The following ZDHHC14 variants were observed in gnomAD, a reference collection of about 807,000 sequenced individuals.
ZDHHC14 encodes the protein palmitoyltransferase ZDHHC14.
ZDHHC14 carries 16 observed loss-of-function variants against 47.7 expected under a neutral mutation model. The observed-to-expected ratio is 0.34, with a 90% CI of 0.23 to 0.51. The LOEUF is 0.51. ZDHHC14 is among the 20% of genes least tolerant of loss of function. The pLI, the probability that ZDHHC14 is intolerant of heterozygous loss-of-function variation, is 0.97. For synonymous variants in ZDHHC14, 293 were observed against 278.9 expected (o/e 1.05, Z -0.50); for missense variants, 515 against 662.5 (o/e 0.78, Z 2.44).
chr6:157,426,160 C>T (rs370875492), intron 1 of ZDHHC14, among the ~76,000 whole-genome samples: 4 of 152,030 alleles, frequency 2.6e-5, no homozygotes, highest in Admixed American at 6.6e-5. Flanking sequence ...GAGAGCCTCC[C>T]GCAAGGTGGT....
At chr6:157,397,947 A>G (rs1280854033) in intron 1 of ZDHHC14, among the ~76,000 whole-genome samples, 2 of 152,066 alleles carry the variant, frequency 1.3e-5, no homozygotes, top group African/African-American at 4.8e-5. Context: ...GACAAACCCA[A>G]CTGCCAGGGG....
intron 1 of ZDHHC14, among the ~76,000 whole-genome samples, chr6:157,385,993 A>G (rs928368395): frequency 1.3e-5 from 2 of 152,226 alleles, no homozygotes; most frequent in African/African-American, 2.4e-5. Context: ...TGCACAGTAT[A>G]CAGTATAGTA....
intron 3 of ZDHHC14, among the ~76,000 whole-genome samples, chr6:157,610,968 T>C (rs1318617166): frequency 1.3e-5 from 2 of 152,356 alleles, no homozygotes; most frequent in Middle Eastern, 3.4e-3. Context: ...CTGTCAAATA[T>C]GCTCGTGTAA....
At position 157,463,055 on chromosome 6, in the gene ZDHHC14, G is replaced by A. The variant is rs552236990; in HGVS notation, c.246-79530G>A. Among the ~76,000 whole-genome samples the A allele has an allele frequency of 4.6e-5, 7 of 152,280 alleles. No homozygotes were observed. Among genetic ancestry groups the A allele is most frequent in the Admixed American group, 2.0e-4 (3 of 15,300 alleles). On this transcript the variant is annotated intron_variant, in intron 1 of 8. Transcript: ENST00000359775. This position sits in a 1 kb window ranked among gnomAD's most constrained non-coding sequence, Gnocchi z 4.4. ...TCTTTTCCAGAAAGATTCTTATGTC[G>A]GCTGAGTTCAAGTAGGTAGGTGCAT...
intron 1 of ZDHHC14, among the ~76,000 whole-genome samples, chr6:157,423,601 T>C (rs1778152473): frequency 6.6e-6 from 1 of 152,228 alleles, no homozygotes; most frequent in South Asian, 2.1e-4. Flanking sequence ...GATTGGGTAT[T>C]CTGACCTCCA....
At chr6:157,540,914 A>G (rs202032728) in intron 1 of ZDHHC14, among the ~76,000 whole-genome samples, 8,134 of 71,214 alleles carry the variant, frequency 0.11, 393 homozygotes, top group African/African-American at 0.21. Context: ...GTGTGTGTAT[A>G]TATATATATA....
intron 2 of ZDHHC14, among the ~76,000 whole-genome samples, chr6:157,560,889 T>C (rs1782681677): frequency 6.6e-6 from 1 of 152,300 alleles, no homozygotes; most frequent in Non-Finnish European, 1.5e-5. Context: ...AAATAGCAGA[T>C]TGCTTATCCA....
At chr6:157,480,709 C>A (rs1022107222) in intron 1 of ZDHHC14, among the ~76,000 whole-genome samples, 1 of 152,204 alleles carries the variant, frequency 6.6e-6, no homozygotes, top group African/African-American at 2.4e-5. Context: ...AAAGCCCAAT[C>A]TGAGGGTACA....
At chr6:157,510,198 C>A (rs1032892682) in intron 1 of ZDHHC14, among the ~76,000 whole-genome samples, 1 of 152,228 alleles carries the variant, frequency 6.6e-6, no homozygotes, top group African/African-American at 2.4e-5. Flanking sequence ...GGGCCCAGAT[C>A]GCGCCACTGC....
At chr6:157,477,946 A>G (rs1245710757) in intron 1 of ZDHHC14, among the ~76,000 whole-genome samples, 1 of 152,232 alleles carries the variant, frequency 6.6e-6, no homozygotes, top group East Asian at 1.9e-4. Flanking sequence ...ATAGGTAAGT[A>G]AAATAGCTAA....
intron 1 of ZDHHC14, among the ~76,000 whole-genome samples, chr6:157,444,330 A>C (rs1046333689): frequency 6.6e-6 from 1 of 152,212 alleles, no homozygotes; most frequent in African/African-American, 2.4e-5. Context: ...CGGAATACAC[A>C]TTGAGGCAGG....
chr6:157,402,594 A>G (rs537147690), intron 1 of ZDHHC14, among the ~76,000 whole-genome samples: 1 of 152,302 alleles, frequency 6.6e-6, no homozygotes, highest in South Asian at 2.1e-4. Flanking sequence ...TCAACAAAAT[A>G]TCTCTTCAGT....
chr6:157,538,981 A>C (rs1181308871), intron 1 of ZDHHC14, among the ~76,000 whole-genome samples: 1 of 152,132 alleles, frequency 6.6e-6, no homozygotes, highest in East Asian at 1.9e-4. Flanking sequence ...CTTGGACACC[A>C]GATAAGGAGC....
In ZDHHC14 at chr6:157,672,890, C is replaced by T. The variant is rs1454571811; in HGVS notation, c.1235C>T (p.Pro412Leu). Residue 412 changes from proline (P) to leucine (L), a missense_variant, in exon 9 of 9, where the codon CCC becomes CTC. Around this residue, in one of 4 missense-constraint regions of ZDHHC14, gnomAD observed 221 missense variants for 233.6 expected, o/e 0.95. Coordinates refer to ENST00000359775, the MANE Select transcript of ZDHHC14 (RefSeq NM_024630.3). ...CTCACACTGGGCCCGCCCACACCGC[C>T]CGCCTCCATGCCCAACCTCGCCGAG... The part of the protein sequence containing the change: ...ASLTLGPPTP[P>L]ASMPNLAEAT... 3 of 1,606,702 alleles carry T rather than the reference C, an allele frequency of 1.9e-6. No homozygotes were observed. Among genetic ancestry groups the T allele is most frequent in the Admixed American group, 1.7e-5 (1 of 59,572 alleles).
At chr6:157,643,674 TA>T (rs1777373104) in intron 5 of ZDHHC14, among the ~76,000 whole-genome samples, 5 of 131,336 alleles carry the variant, frequency 3.8e-5, no homozygotes, top group East Asian at 4.4e-4. Context: ...TATATATATA[TA>T]TGCTGTATTT....
chr6:157,581,645 G>A lies in ZDHHC14; in HGVS notation c.407-11343G>A, dbSNP rs143369538. Among the ~76,000 whole-genome samples the A allele has an allele frequency of 3.0e-4, 45 of 152,184 alleles. 1 individual carries two copies. The highest frequency in any genetic ancestry group is 5.9e-5 in the Non-Finnish European group (4 of 68,000). On this transcript the variant is annotated intron_variant, in intron 2 of 8. Transcript: ENST00000359775. The stretch of plus-strand genomic sequence containing the variant: ...TTTAGGATAGTTAGGTCTTCTTATT[G>A]AATTGAATGCTTTGCCATTATGTAA...
At chr6:157,408,343 C>G (rs1480008950) in intron 1 of ZDHHC14, among the ~76,000 whole-genome samples, 1 of 151,934 alleles carries the variant, frequency 6.6e-6, no homozygotes, top group Non-Finnish European at 1.5e-5. Context: ...GCAGGATGTG[C>G]AGGCTTGTTA....
intron 2 of ZDHHC14, among the ~76,000 whole-genome samples, chr6:157,569,347 C>G (rs1409722004): frequency 6.6e-6 from 1 of 151,864 alleles, no homozygotes; most frequent in Non-Finnish European, 1.5e-5. Flanking sequence ...AGCTGTCTAT[C>G]CTAATTTTGT....
At chr6:157,508,576 T>C (rs2114746161) in intron 1 of ZDHHC14, among the ~76,000 whole-genome samples, 1 of 152,264 alleles carries the variant, frequency 6.6e-6, no homozygotes, top group Admixed American at 6.5e-5. Flanking sequence ...TCTCACTATG[T>C]TGCCCAGGCT....
Sources: allele counts gnomAD v4.1 joint callset (sites outside exome capture counted in the v4.1 genomes callset), GRCh38; gene constraint gnomAD v4.1.1; regional missense constraint gnomAD v4.1.1; non-coding constraint Gnocchi (gnomAD v3.1); transcripts MANE v1.5; gene names NCBI Gene and HGNC (gene_info 2026-07-23, HGNC 2026-07-21).